WDR70: variants seen among roughly 807,000 people sequenced by gnomAD.
WDR70 encodes WD repeat domain 70, also known as WD repeat-containing protein 70.
WDR70 carries 53 observed loss-of-function variants against 88.6 expected under a neutral mutation model. The ratio of observed to expected loss-of-function variants is 0.60; its 90% CI spans 0.48 to 0.75. The LOEUF (loss-of-function observed/expected upper bound fraction) is 0.75. Among genes scored for constraint, WDR70 ranks in the 30% least tolerant of loss-of-function variants. WDR70 has a pLI of 0.00. For missense variants in WDR70, 610 were observed against 823.2 expected, an observed-to-expected ratio of 0.74 and a Z score of 3.17; for synonymous variants, 280 against 270.0, an observed-to-expected ratio of 1.04 and a Z score of -0.36.
chr5:37,699,806 G>T (rs1344953626), intron 11 of WDR70, among the ~76,000 whole-genome samples: 1 of 151,810 alleles, frequency 6.6e-6, no homozygotes, highest in Non-Finnish European at 1.5e-5. Flanking sequence ...AAATTAGCTG[G>T]ATGTAGTGGC....
chr5:37,563,681 A>G (rs1219153213), intron 9 of WDR70, among the ~76,000 whole-genome samples: 1 of 102,960 alleles, frequency 9.7e-6, no homozygotes, highest in Non-Finnish European at 2.1e-5. Context: ...TCCCTCCCGG[A>G]CGGGGCGGCT....
intron 10 of WDR70, among the ~76,000 whole-genome samples, chr5:37,669,892 A>G (rs1048536666): frequency 6.6e-6 from 1 of 152,242 alleles, no homozygotes; most frequent in African/African-American, 2.4e-5. Flanking sequence ...CCTCAAAAAC[A>G]TTACGCTAAA....
In WDR70 at chr5:37,383,574, T is replaced by C. The variant is rs371029237; in HGVS notation, c.175+1889T>C. On this transcript the variant is annotated intron_variant, in intron 3 of 17. Transcript: ENST00000265107. ...ACTGTGCCAGGCCAAAACCCATCAT[T>C]ATTATTATTATTGTTATTTTTTTGA... Among the ~76,000 whole-genome samples, 25 of 145,450 alleles carry C rather than the reference T, an allele frequency of 1.7e-4. No individual in the cohort carries two copies. The South Asian group carries it at 3.6e-3, about 21-fold the overall frequency.
chr5:37,704,045 A>C (rs190155005), intron 13 of WDR70, among the ~76,000 whole-genome samples: 1 of 152,326 alleles, frequency 6.6e-6, no homozygotes, highest in East Asian at 1.9e-4. Context: ...TAGTATTACT[A>C]TGAAGTCTTA....
chr5:37,529,399 G>A (rs1310842354), intron 9 of WDR70, among the ~76,000 whole-genome samples: 2 of 152,056 alleles, frequency 1.3e-5, no homozygotes, highest in African/African-American at 4.8e-5. Flanking sequence ...TCAATTTATA[G>A]ATTGCTTTTG....
intron 5 of WDR70, among the ~76,000 whole-genome samples, chr5:37,400,492 G>A (rs1344954209): frequency 4.6e-5 from 7 of 152,058 alleles, no homozygotes; most frequent in Non-Finnish European, 1.0e-4. Flanking sequence ...CATAGAATTA[G>A]TGTCTTTATA....
At chr5:37,672,763 G>A (rs893803334) in intron 10 of WDR70, among the ~76,000 whole-genome samples, 4 of 152,048 alleles carry the variant, frequency 2.6e-5, no homozygotes, top group Admixed American at 6.5e-5. Context: ...TCCATATGCT[G>A]AGCGCTGGTC....
chr5:37,686,628 T>G (rs1301293386), intron 10 of WDR70, among the ~76,000 whole-genome samples: 1 of 152,056 alleles, frequency 6.6e-6, no homozygotes, highest in African/African-American at 2.4e-5. Context: ...GTCCCAGTAC[T>G]TGGGAGGCTG....
intron 10 of WDR70, among the ~76,000 whole-genome samples, chr5:37,680,406 G>T (rs1746390998): frequency 1.3e-5 from 2 of 152,140 alleles, no homozygotes; most frequent in Admixed American, 1.3e-4. Context: ...AGTTTAATTA[G>T]ATCCCATTTG....
In WDR70 at chr5:37,727,032, C is replaced by T; in HGVS notation, c.1864C>T (p.Pro622Ser). The T allele has an allele frequency of 6.2e-7, 1 of 1,606,494 alleles. No homozygotes were observed. The highest frequency in any genetic ancestry group is 8.5e-7 in the Non-Finnish European group (1 of 1,177,510). ...AAEDSPYWVS[P>S]AYSKTQPKTM... ...AGAAGACAGCCCATATTGGGTTTCT[C>T]CAGCATATTCCAAGTGAGAATATAG... Residue 622 changes from proline (P) to serine (S), a missense_variant, in exon 17 of 18, where the codon CCA becomes TCA. Coordinates refer to ENST00000265107, the MANE Select transcript of WDR70 (RefSeq NM_018034.4).
intron 10 of WDR70, among the ~76,000 whole-genome samples, chr5:37,614,317 T>G (rs1245640865): frequency 6.6e-6 from 1 of 152,194 alleles, no homozygotes. Flanking sequence ...CTCTGCCACT[T>G]TTTAAAGACC....
At chr5:37,396,613 T>C (rs922350104) in intron 5 of WDR70, 43 bp downstream of exon 5, 4 of 1,542,646 alleles carry the variant, frequency 2.6e-6, no homozygotes, top group Admixed American at 1.9e-5. Flanking sequence ...TGGAGTAATA[T>C]CTTTACTGTA....
intron 8 of WDR70, among the ~76,000 whole-genome samples, chr5:37,499,629 C>CTCTCTCTT (rs1740344296): frequency 7.0e-6 from 1 of 142,184 alleles, no homozygotes; most frequent in Non-Finnish European, 1.5e-5. Flanking sequence ...CTCTCTCTCT[C>CTCTCTCTT]GTCTCGGTTC....
rs562095788 is a variant in WDR70 at position 37,478,705 on chromosome 5, A to T, written c.687-1129A>T. ...GAATGGACTATTTTACTGCATATTG[A>T]CCAGTCATTGAATGTGGGCTGTTTT... On this transcript the variant is annotated intron_variant, in intron 7 of 17. Transcript: ENST00000265107. 2.9e-3 allele frequency among the ~76,000 whole-genome samples: 435 copies of T among 152,306 alleles called. 1 individual carries two copies. The highest frequency in any genetic ancestry group is 9.8e-3 in the African/African-American group (407 of 41,562).
At chr5:37,440,367 A>G (rs1052118181) in intron 6 of WDR70, among the ~76,000 whole-genome samples, 9 of 151,336 alleles carry the variant, frequency 5.9e-5, no homozygotes, top group African/African-American at 2.2e-4. Flanking sequence ...TTTTTTTGAG[A>G]CAAAGTCTTG....
intron 10 of WDR70, among the ~76,000 whole-genome samples, chr5:37,652,722 C>T (rs939005711): frequency 2.0e-5 from 3 of 152,154 alleles, no homozygotes; most frequent in African/African-American, 7.2e-5. Context: ...GGAGTTCACT[C>T]ATGATTTGGC....
intron 17 of WDR70, among the ~76,000 whole-genome samples, chr5:37,731,624 T>G (rs1453148412): frequency 6.6e-6 from 1 of 152,098 alleles, no homozygotes; most frequent in African/African-American, 2.4e-5. Context: ...AAACCTTGTT[T>G]AGAAACATAC....
chr5:37,747,984 T>C (rs1368968807), intron 17 of WDR70, among the ~76,000 whole-genome samples: 2 of 151,962 alleles, frequency 1.3e-5, no homozygotes, highest in Non-Finnish European at 2.9e-5. Flanking sequence ...CAAGGAAATA[T>C]GAGAGGACAC....
intron 8 of WDR70, among the ~76,000 whole-genome samples, chr5:37,486,411 T>G (rs4323257): frequency 1.3e-5 from 2 of 151,236 alleles, no homozygotes; most frequent in East Asian, 2.0e-4. Context: ...TGGCATGATC[T>G]CGGCTCACTA....
Sources: allele counts gnomAD v4.1 joint callset (sites outside exome capture counted in the v4.1 genomes callset), GRCh38; gene constraint gnomAD v4.1.1; transcripts MANE v1.5; gene names NCBI Gene and HGNC (gene_info 2026-07-23, HGNC 2026-07-21).